HS3ST4: variants seen among roughly 807,000 people sequenced by gnomAD.
HS3ST4 encodes heparan sulfate-glucosamine 3-sulfotransferase 4.
Under a neutral mutation model 29.2 loss-of-function variants are expected in HS3ST4, and 17 were observed. The observed-to-expected ratio is 0.58, with a 90% CI of 0.40 to 0.87. HS3ST4 has a LOEUF of 0.87. Ranked by LOEUF, HS3ST4 falls within the 40% of genes least tolerant of loss-of-function variation. HS3ST4 has a pLI of 0.00. For missense variants in HS3ST4, 627 were observed against 634.5 expected (o/e 0.99, Z 0.13); for synonymous variants, 314 against 285.7 (o/e 1.10, Z -1.00).
chr16:25,818,020 C>T (rs762402935), intron 1 of HS3ST4, among the ~76,000 whole-genome samples: 5 of 152,170 alleles, frequency 3.3e-5, no homozygotes, highest in African/African-American at 7.2e-5. Context: ...CACTGTCTCG[C>T]GGCAAGCCAG....
intron 1 of HS3ST4, among the ~76,000 whole-genome samples, chr16:26,090,854 G>C (rs1898848873): frequency 6.6e-6 from 1 of 152,144 alleles, no homozygotes; most frequent in African/African-American, 2.4e-5. Flanking sequence ...AAAGCACATG[G>C]AGAGACTTGC....
At chr16:26,053,103 T>G (rs764657223) in intron 1 of HS3ST4, among the ~76,000 whole-genome samples, 2 of 152,202 alleles carry the variant, frequency 1.3e-5, no homozygotes, top group African/African-American at 4.8e-5. Flanking sequence ...CTCTCTAAAC[T>G]TCAGAGTTCC....
intron 1 of HS3ST4, among the ~76,000 whole-genome samples, chr16:25,699,277 T>G (rs1341377700): frequency 1.3e-5 from 2 of 152,194 alleles, no homozygotes; most frequent in Non-Finnish European, 2.9e-5. Context: ...TTTCTTCCTT[T>G]ACAGATTTTG....
At chr16:25,745,184 A>C (rs1443584943) in intron 1 of HS3ST4, among the ~76,000 whole-genome samples, 1 of 152,088 alleles carries the variant, frequency 6.6e-6, no homozygotes, top group African/African-American at 2.4e-5. Context: ...ATACCCAGAT[A>C]AAAATAAGTG....
At chr16:25,783,570 A>T (rs898131675) in intron 1 of HS3ST4, among the ~76,000 whole-genome samples, 1 of 151,524 alleles carries the variant, frequency 6.6e-6, no homozygotes, top group Admixed American at 6.6e-5. Context: ...GAAATCTGTT[A>T]TATTGAAGGA....
intron 1 of HS3ST4, among the ~76,000 whole-genome samples, chr16:25,843,746 G>A (rs1266354321): frequency 6.6e-6 from 1 of 152,148 alleles, no homozygotes; most frequent in African/African-American, 2.4e-5. Flanking sequence ...GGCTATTAAT[G>A]GGTGCTGTTA....
chr16:26,054,062 T>A (rs972845104), intron 1 of HS3ST4, among the ~76,000 whole-genome samples: 2 of 152,136 alleles, frequency 1.3e-5, no homozygotes, highest in South Asian at 4.1e-4. Context: ...CACTTCCTCC[T>A]ACATGTCATT....
chr16:25,891,558 A>G (rs1968008119), intron 1 of HS3ST4, among the ~76,000 whole-genome samples: 1 of 152,116 alleles, frequency 6.6e-6, no homozygotes, highest in Non-Finnish European at 1.5e-5. Context: ...CTGTGTCGAG[A>G]CTGAGTGTCC....
At chr16:26,059,110 G>A (rs139226234) in intron 1 of HS3ST4, among the ~76,000 whole-genome samples, 14 of 152,108 alleles carry the variant, frequency 9.2e-5, no homozygotes, top group Non-Finnish European at 1.8e-4. Context: ...CTAAGCCTCA[G>A]GTTCAAAGAA....
chr16:25,923,818 T>C (rs1968378257), intron 1 of HS3ST4, among the ~76,000 whole-genome samples: 1 of 152,090 alleles, frequency 6.6e-6, no homozygotes, highest in African/African-American at 2.4e-5. Flanking sequence ...GCTTCAGGCG[T>C]TGGGTTGCGG....
intron 1 of HS3ST4, among the ~76,000 whole-genome samples, chr16:26,077,337 AG>A (rs1462457525): frequency 6.6e-6 from 1 of 152,232 alleles, no homozygotes; most frequent in East Asian, 1.9e-4. Context: ...TCAAGGAGAC[AG>A]GGAAATAGGC....
intron 1 of HS3ST4, among the ~76,000 whole-genome samples, chr16:25,737,244 A>C (rs1309593211): frequency 1.3e-5 from 2 of 152,224 alleles, no homozygotes; most frequent in East Asian, 3.8e-4. Context: ...TTTGATGTGC[A>C]TGCTCAGGCG....
At chr16:25,895,141 ATG>A (rs61699119) in intron 1 of HS3ST4, among the ~76,000 whole-genome samples, 118,273 of 148,714 alleles carry the variant, frequency 0.8, 46,571 homozygotes, top group East Asian at 0.89. Context: ...GTGAGGCAGG[ATG>A]TGTGTGTGTG....
At position 26,135,720 on chromosome 16, in the gene HS3ST4, C is replaced by A; in HGVS notation, c.843C>A (p.Ile281=). 1.2e-6 allele frequency: 2 copies of A among 1,614,128 alleles called. No individual in the cohort carries two copies. The highest frequency in any genetic ancestry group is 1.6e-4 in the Middle Eastern group (1 of 6,062). Residue 281 remains isoleucine (I), a synonymous_variant, in exon 2 of 2, where the codon ATC becomes ATA. Transcript: ENST00000331351. ...PKRIHSMAKD[I]KLIVVVRNPV... The stretch of plus-strand genomic sequence containing the variant: ...GCATTCACTCCATGGCCAAGGACAT[C>A]AAACTGATTGTGGTGGTGAGAAACC...
intron 1 of HS3ST4, among the ~76,000 whole-genome samples, chr16:26,002,294 A>C (rs1969217979): frequency 6.6e-6 from 1 of 152,156 alleles, no homozygotes; most frequent in Non-Finnish European, 1.5e-5. Flanking sequence ...AGGAAATGTA[A>C]GGGCGTACAA....
At chr16:25,775,468 G>A (rs1050137570) in intron 1 of HS3ST4, among the ~76,000 whole-genome samples, 3 of 152,136 alleles carry the variant, frequency 2.0e-5, no homozygotes, top group African/African-American at 4.8e-5. Context: ...TTGTTGGCCC[G>A]TTAAGTACAA....
chr16:25,913,744 TGTG>T (rs547814926), intron 1 of HS3ST4, among the ~76,000 whole-genome samples: 25 of 151,864 alleles, frequency 1.6e-4, no homozygotes, highest in Non-Finnish European at 2.4e-4. Flanking sequence ...ATGTAAGTAA[TGTG>T]GTAGATGTGT....
chr16:25,941,526 CTTTTTGTT>C (rs1200778023), intron 1 of HS3ST4, among the ~76,000 whole-genome samples: 1 of 151,600 alleles, frequency 6.6e-6, no homozygotes, highest in Non-Finnish European at 1.5e-5. Flanking sequence ...TCTTTATTTT[CTTTTTGTT>C]TTTTTGTTTG....
chr16:26,024,943 T>C (rs574360885), intron 1 of HS3ST4, among the ~76,000 whole-genome samples: 46 of 152,308 alleles, frequency 3.0e-4, no homozygotes, highest in African/African-American at 1.1e-3. Context: ...GCAAAGCACT[T>C]GTTTGTGGAA....
Sources: gnomAD v4.1 joint callset for allele counts (sites outside exome capture counted in the v4.1 genomes callset) on GRCh38, gnomAD v4.1.1 for gene constraint, MANE v1.5 for transcripts, NCBI Gene and HGNC (gene_info 2026-07-23, HGNC 2026-07-21) for gene names.